The following KLF17 variants were observed in gnomAD, a reference collection of about 807,000 sequenced individuals.
KLF17 encodes Krueppel-like factor 17.
In KLF17, 31 loss-of-function variants were observed where a neutral mutation model predicts 34.2. The observed-to-expected ratio is 0.91, with a 90% CI of 0.68 to 1.22. The LOEUF is 1.22. KLF17 is among the 50% of genes most tolerant of loss of function. The pLI is 0.00. For missense variants in KLF17, 478 were observed against 505.2 expected, an observed-to-expected ratio of 0.95 and a Z score of 0.52; for synonymous variants, 179 against 186.7, an observed-to-expected ratio of 0.96 and a Z score of 0.34.
At chr1:44,053,844 A>G in the KLF17 span, among the ~76,000 whole-genome samples, 1 of 152,230 alleles carries the variant, frequency 6.6e-6, no homozygotes, top group African/African-American at 2.4e-5. Context: ...GTAGAGGAAA[A>G]ACAAAGAATT....
chr1:44,108,461 A>T, the KLF17 span, among the ~76,000 whole-genome samples: 7,180 of 151,946 alleles, frequency 0.047, 248 homozygotes, highest in Non-Finnish European at 0.063. Flanking sequence ...CCTGCCCATG[A>T]ATGCAGGGGA....
chr1:44,060,112 C>T, the KLF17 span, among the ~76,000 whole-genome samples: 1 of 152,092 alleles, frequency 6.6e-6, no homozygotes, highest in African/African-American at 2.4e-5. Context: ...AGTCACACCC[C>T]ATAACCACTC....
At chr1:44,128,413 C>T (rs2088053843) in intron 1 of KLF17, among the ~76,000 whole-genome samples, 2 of 152,200 alleles carry the variant, frequency 1.3e-5, no homozygotes, top group Non-Finnish European at 2.9e-5. Context: ...TACCACCAAT[C>T]TCTTTCTTAC....
At chr1:44,063,897 G>A in the KLF17 span, among the ~76,000 whole-genome samples, 1 of 152,164 alleles carries the variant, frequency 6.6e-6, no homozygotes, top group Non-Finnish European at 1.5e-5. Flanking sequence ...ATGCCTCTGA[G>A]AAGGGATTAG....
the KLF17 span, among the ~76,000 whole-genome samples, chr1:44,086,203 ACG>A: frequency 1.3e-5 from 2 of 152,242 alleles, no homozygotes; most frequent in African/African-American, 4.8e-5. Context: ...GTGGTGGCTC[ACG>A]CCTGTAATCC....
At chr1:44,100,117 A>ACACACACAC in the KLF17 span, among the ~76,000 whole-genome samples, 3 of 117,652 alleles carry the variant, frequency 2.5e-5, no homozygotes, top group Non-Finnish European at 5.5e-5. Flanking sequence ...CACACACACA[A>ACACACACAC]ATTAGCTGGG....
chr1:44,124,320 C>G (rs2087982285), intron 1 of KLF17, among the ~76,000 whole-genome samples: 1 of 149,598 alleles, frequency 6.7e-6, no homozygotes, highest in Admixed American at 6.7e-5. Flanking sequence ...ACACAATTTC[C>G]TTTTGTATAT....
the KLF17 span, among the ~76,000 whole-genome samples, chr1:44,080,479 ATG>A: frequency 5.4e-5 from 8 of 148,744 alleles, no homozygotes; most frequent in African/African-American, 2.0e-4. Flanking sequence ...ACCTCGTGAT[ATG>A]CCCGCCTTGG....
chr1:44,057,771 C>T, the KLF17 span, among the ~76,000 whole-genome samples: 24,207 of 152,066 alleles, frequency 0.16, 2,514 homozygotes, highest in South Asian at 0.34. Context: ...TCAAATCTTC[C>T]TGGGAAAGAA....
chr1:44,073,183 A>G, the KLF17 span, among the ~76,000 whole-genome samples: 7 of 150,642 alleles, frequency 4.6e-5, 1 homozygote, highest in South Asian at 1.5e-3. Context: ...AGTTAGGATC[A>G]TGAGAGGTTT....
chr1:44,047,623 G>A, the KLF17 span, among the ~76,000 whole-genome samples: 3 of 152,140 alleles, frequency 2.0e-5, no homozygotes, highest in Admixed American at 6.5e-5. Context: ...CCATCTTGAG[G>A]GAAAGAATGC....
At chr1:44,104,331 CTAA>C in the KLF17 span, 56 of 1,522,900 alleles carry the variant, frequency 3.7e-5, no homozygotes, top group Non-Finnish European at 4.2e-5. Flanking sequence ...CAGCTGCCGC[CTAA>C]GGTTGTTGAT....
At chr1:44,085,798 C>CT in the KLF17 span, among the ~76,000 whole-genome samples, 38 of 97,646 alleles carry the variant, frequency 3.9e-4, no homozygotes, top group African/African-American at 1.6e-3. Context: ...AATTGAGACT[C>CT]TGTCTCAACA....
the KLF17 span, among the ~76,000 whole-genome samples, chr1:44,095,210 CTTT>C: frequency 2.5e-5 from 3 of 119,338 alleles, no homozygotes; most frequent in South Asian, 2.7e-4. Context: ...CTATTTATAT[CTTT>C]TTTTTTTTTT....
the KLF17 span, among the ~76,000 whole-genome samples, chr1:44,082,968 G>A: frequency 1.4e-5 from 2 of 146,766 alleles, no homozygotes; most frequent in Non-Finnish European, 3.0e-5. Context: ...TTGAGACAGG[G>A]TCTCACTCTA....
chr1:44,130,390 C>T, intron 2 of KLF17, 122 bp from the exon 3 acceptor site: 1 of 1,423,886 alleles, frequency 7.0e-7, no homozygotes. Context: ...GATTGTGTTG[C>T]CCCTCCCTGG....
At chr1:44,105,826 C>T in the KLF17 span, among the ~76,000 whole-genome samples, 4 of 152,100 alleles carry the variant, frequency 2.6e-5, no homozygotes, top group Admixed American at 6.6e-5. Context: ...TGCTGGTTCA[C>T]GGAACCCCAC....
At chr1:44,088,931 G>A in the KLF17 span, among the ~76,000 whole-genome samples, 11 of 152,180 alleles carry the variant, frequency 7.2e-5, no homozygotes, top group Non-Finnish European at 1.5e-4. Context: ...CTATGGGGAT[G>A]AGTGGCTGAC....
upstream of KLF17, chr1:44,115,310 G>C (rs1342332828): frequency 6.6e-6 from 1 of 152,070 alleles, no homozygotes; most frequent in Non-Finnish European, 1.5e-5. Flanking sequence ...AATTAGCCAA[G>C]AGTGGTGGCA....
Sources: gnomAD v4.1 joint callset for allele counts (sites outside exome capture counted in the v4.1 genomes callset) on GRCh38, gnomAD v4.1.1 for gene constraint, MANE v1.5 for transcripts, NCBI Gene and HGNC (gene_info 2026-07-23, HGNC 2026-07-21) for gene names.